ROBO1: variants seen among roughly 807,000 people sequenced by gnomAD.
The protein encoded by ROBO1 is roundabout homolog 1.
A neutral mutation model predicts 195.9 loss-of-function variants in ROBO1; 149 were observed. The ratio of observed to expected loss-of-function variants is 0.76; its 90% CI spans 0.67 to 0.87. The LOEUF (loss-of-function observed/expected upper bound fraction) is 0.87. Among genes scored for constraint, ROBO1 ranks in the 40% least tolerant of loss-of-function variants. The pLI, the probability that ROBO1 is intolerant of heterozygous loss-of-function variation, is 0.00. For missense variants in ROBO1, 1,933 were observed against 2,068.3 expected, an observed-to-expected ratio of 0.93 and a Z score of 1.27; for synonymous variants, 816 against 733.2, an observed-to-expected ratio of 1.11 and a Z score of -1.82.
intron 18 of ROBO1, among the ~76,000 whole-genome samples, chr3:78,654,277 T>C (rs1706858923): frequency 6.6e-6 from 1 of 152,198 alleles, no homozygotes; most frequent in Non-Finnish European, 1.5e-5. Context: ...TGAGTGTGTG[T>C]GGTTTTTCAG....
chr3:79,372,314 C>A (rs1312311438), intron 2 of ROBO1, among the ~76,000 whole-genome samples: 4 of 151,708 alleles, frequency 2.6e-5, no homozygotes, highest in Admixed American at 6.6e-5. Flanking sequence ...TCAAGCGATT[C>A]TCCTGCCTCA....
At chr3:78,705,206 T>TA (rs954518740) in intron 8 of ROBO1, among the ~76,000 whole-genome samples, 1 of 152,106 alleles carries the variant, frequency 6.6e-6, no homozygotes, top group Admixed American at 6.6e-5. Flanking sequence ...TAATCAGCTA[T>TA]AAAAAATGTC....
chr3:78,840,099 T>G (rs2106727255), intron 4 of ROBO1, among the ~76,000 whole-genome samples: 1 of 152,330 alleles, frequency 6.6e-6, no homozygotes, highest in African/African-American at 2.4e-5. Context: ...ATGCTTTCAT[T>G]TTGGCTGTCT....
At chr3:79,314,674 G>C (rs2033652823) in intron 2 of ROBO1, among the ~76,000 whole-genome samples, 1 of 152,196 alleles carries the variant, frequency 6.6e-6, no homozygotes, top group Admixed American at 6.5e-5. Flanking sequence ...TACTCACTGT[G>C]CAACATGAGT....
At chr3:79,141,564 GTTGT>G (rs1347604678) in intron 2 of ROBO1, among the ~76,000 whole-genome samples, 5 of 45,464 alleles carry the variant, frequency 1.1e-4, no homozygotes, top group African/African-American at 2.5e-4. Flanking sequence ...GGTTGCTGTT[GTTGT>G]TTTTTTTTTT....
At chr3:79,003,797 C>T (rs770236487) in intron 3 of ROBO1, among the ~76,000 whole-genome samples, 6 of 152,140 alleles carry the variant, frequency 3.9e-5, no homozygotes, top group Non-Finnish European at 5.9e-5. Flanking sequence ...AGGAAAAACT[C>T]ATTGACAAAT....
chr3:78,832,524 C>G (rs2032318826), intron 4 of ROBO1, among the ~76,000 whole-genome samples: 1 of 152,122 alleles, frequency 6.6e-6, no homozygotes, highest in East Asian at 1.9e-4. Flanking sequence ...ATAACAAACT[C>G]TGTCACTCAC....
intron 3 of ROBO1, among the ~76,000 whole-genome samples, chr3:79,101,455 T>C (rs2079674057): frequency 6.6e-6 from 1 of 151,760 alleles, no homozygotes; most frequent in Admixed American, 6.6e-5. Context: ...GCATGATCCG[T>C]TTTGGATGAA....
At chr3:79,050,689 C>T (rs2078679774) in intron 3 of ROBO1, among the ~76,000 whole-genome samples, 3 of 152,134 alleles carry the variant, frequency 2.0e-5, no homozygotes, top group South Asian at 2.1e-4. Flanking sequence ...TGTAAAAGAA[C>T]AGAAATCACA....
chr3:79,580,152 C>T (rs534806610), intron 2 of ROBO1, among the ~76,000 whole-genome samples: 1 of 152,122 alleles, frequency 6.6e-6, no homozygotes, highest in East Asian at 1.9e-4. Flanking sequence ...ACTATTAACA[C>T]TGATGGAAAA....
chr3:79,525,005 G>T (rs1432322375), intron 2 of ROBO1, among the ~76,000 whole-genome samples: 2 of 151,760 alleles, frequency 1.3e-5, no homozygotes, highest in African/African-American at 2.4e-5. Context: ...AAAAAGAGAA[G>T]TTTCAGACAT....
intron 2 of ROBO1, among the ~76,000 whole-genome samples, chr3:79,492,425 CAGA>C (rs1293986674): frequency 2.3e-5 from 2 of 85,674 alleles, no homozygotes; most frequent in African/African-American, 5.9e-5. Context: ...GACTCTGTTT[CAGA>C]AAAAAAAAAA....
chr3:79,264,960 C>T (rs533380938), intron 2 of ROBO1, among the ~76,000 whole-genome samples: 9 of 151,908 alleles, frequency 5.9e-5, no homozygotes, highest in African/African-American at 4.8e-5. Context: ...CTGAAACAGC[C>T]GGATTCTAGG....
chr3:79,690,935 AT>A (rs1171039174), intron 1 of ROBO1, among the ~76,000 whole-genome samples: 1 of 151,898 alleles, frequency 6.6e-6, no homozygotes, highest in African/African-American at 2.4e-5. Flanking sequence ...AATAGCTACT[AT>A]TTCTAGGCTG....
At chr3:78,879,840 T>G (rs986621818) in intron 4 of ROBO1, among the ~76,000 whole-genome samples, 1 of 152,140 alleles carries the variant, frequency 6.6e-6, no homozygotes, top group Non-Finnish European at 1.5e-5. Flanking sequence ...TAGGTTTAAA[T>G]AAGTTCAAAC....
intron 29 of ROBO1, among the ~76,000 whole-genome samples, chr3:78,602,412 C>T (rs1703231219): frequency 6.6e-6 from 1 of 152,146 alleles, no homozygotes; most frequent in Non-Finnish European, 1.5e-5. Flanking sequence ...CACCATGTTT[C>T]CTATAAAGGC....
intron 2 of ROBO1, among the ~76,000 whole-genome samples, chr3:79,541,803 GTATA>G (rs969841259): frequency 3.3e-5 from 4 of 121,650 alleles, no homozygotes; most frequent in African/African-American, 1.2e-4. Context: ...ACATATATGT[GTATA>G]TATATGTGTG....
chr3:79,463,681 T>C, intron 2 of ROBO1, among the ~76,000 whole-genome samples: 1 of 152,240 alleles, frequency 6.6e-6, no homozygotes, highest in East Asian at 1.9e-4. Flanking sequence ...CTTCAGTCCA[T>C]GTTAATAATT....
intron 2 of ROBO1, among the ~76,000 whole-genome samples, chr3:79,244,608 T>C (rs2082588088): frequency 6.6e-6 from 1 of 152,056 alleles, no homozygotes; most frequent in Admixed American, 6.6e-5. Flanking sequence ...ATCATGTAGC[T>C]ACACCCACAG....
Sources: gnomAD v4.1 joint callset for allele counts (sites outside exome capture counted in the v4.1 genomes callset) on GRCh38, gnomAD v4.1.1 for gene constraint, MANE v1.5 for transcripts, NCBI Gene and HGNC (gene_info 2026-07-23, HGNC 2026-07-21) for gene names.